UST: variants seen among roughly 807,000 people sequenced by gnomAD.
UST encodes the protein uronyl 2-sulfotransferase.
A neutral mutation model predicts 45.6 loss-of-function variants in UST; 21 were observed. That is an observed-to-expected ratio of 0.46 (90% confidence interval 0.33 to 0.66). The LOEUF is 0.66. Among genes scored for constraint, UST ranks in the 30% least tolerant of loss-of-function variants. The pLI is 0.02. For synonymous variants in UST, 215 were observed against 200.6 expected (o/e 1.07, Z -0.61); for missense variants, 463 against 512.4 (o/e 0.90, Z 0.93).
intron 1 of UST, among the ~76,000 whole-genome samples, chr6:148,880,382 G>A (rs887763484): frequency 4.6e-5 from 7 of 152,196 alleles, no homozygotes; most frequent in African/African-American, 1.4e-4. Context: ...TTCAGATTCT[G>A]AGTTACAAAT....
At chr6:148,817,639 G>A (rs965991252) in intron 1 of UST, among the ~76,000 whole-genome samples, 9 of 152,194 alleles carry the variant, frequency 5.9e-5, no homozygotes, top group African/African-American at 2.2e-4. Flanking sequence ...GGGATCAATA[G>A]AAAGGAAATG....
chr6:148,750,743 A>G (rs1328757853), intron 1 of UST, among the ~76,000 whole-genome samples: 2 of 152,194 alleles, frequency 1.3e-5, no homozygotes, highest in Admixed American at 6.5e-5. Context: ...GAAGGGAAAT[A>G]ATTCAAGCAG....
At chr6:148,807,562 G>A (rs2114725465) in intron 1 of UST, among the ~76,000 whole-genome samples, 1 of 152,236 alleles carries the variant, frequency 6.6e-6, no homozygotes, top group East Asian at 1.9e-4. Flanking sequence ...AGGTCAGCAA[G>A]CAGGTCAGGA....
chr6:148,945,091 A>T (rs1338622193), intron 3 of UST, among the ~76,000 whole-genome samples: 1 of 152,230 alleles, frequency 6.6e-6, no homozygotes, highest in African/African-American at 2.4e-5. Context: ...CATATTGAGA[A>T]GGCACATAAT....
intron 3 of UST, 46 bp downstream of exon 3, chr6:148,941,480 A>C: frequency 1.4e-5 from 21 of 1,547,076 alleles, no homozygotes; most frequent in Admixed American, 2.1e-5. Flanking sequence ...GCTTCAGCTC[A>C]TTTGTGTAAC....
chr6:148,846,411 C>T (rs991628230), intron 1 of UST, among the ~76,000 whole-genome samples: 6 of 151,078 alleles, frequency 4.0e-5, no homozygotes, highest in Non-Finnish European at 8.8e-5. Context: ...AACACATGGA[C>T]GTAGGAAGCG....
At chr6:149,060,758 T>C (rs182592526) in intron 7 of UST, among the ~76,000 whole-genome samples, 221 of 152,322 alleles carry the variant, frequency 1.5e-3, no homozygotes, top group African/African-American at 5.1e-3. Context: ...TCTCTGGCTG[T>C]AATCTAACCT....
At chr6:148,990,694 G>A (rs1397548659) in intron 5 of UST, among the ~76,000 whole-genome samples, 3 of 151,986 alleles carry the variant, frequency 2.0e-5, no homozygotes, top group Non-Finnish European at 4.4e-5. Context: ...AAAGAGGCTC[G>A]GCATTAATTG....
chr6:148,884,036 G>C (rs1342779472), intron 1 of UST, among the ~76,000 whole-genome samples: 1 of 151,930 alleles, frequency 6.6e-6, no homozygotes, highest in East Asian at 1.9e-4. Flanking sequence ...GGGAGGCTGA[G>C]GCAGGAGAAT....
intron 3 of UST, among the ~76,000 whole-genome samples, chr6:148,942,260 TCA>T (rs1780142093): frequency 2.0e-5 from 3 of 152,076 alleles, no homozygotes; most frequent in Non-Finnish European, 4.4e-5. Context: ...GGAACATGGC[TCA>T]CTATCAGGTT....
In UST at chr6:148,886,985, G is replaced by A; in HGVS notation, c.248-1G>A. 6.2e-7 allele frequency: 1 copy of A among 1,611,962 alleles called. No homozygotes were observed. On this transcript the variant is annotated splice_acceptor_variant, in intron 1 of 7. Coordinates refer to ENST00000367463, the MANE Select transcript of UST (RefSeq NM_005715.3). LOFTEE classifies it high-confidence loss of function. ...CATCAACTTTTTCCTTTATTTTCTA[G>A]GAAATTCCACTTACTTGGATGACCA...
At chr6:148,961,987 C>T (rs554040327) in intron 4 of UST, among the ~76,000 whole-genome samples, 31 of 152,304 alleles carry the variant, frequency 2.0e-4, no homozygotes, top group Non-Finnish European at 3.2e-4. Context: ...GTATAACGGA[C>T]GTGTCACCCC....
At chr6:148,979,402 A>T (rs1212458645) in intron 5 of UST, among the ~76,000 whole-genome samples, 2 of 152,184 alleles carry the variant, frequency 1.3e-5, no homozygotes, top group African/African-American at 2.4e-5. Context: ...AGCAGATGTA[A>T]ATTTGATTTG....
intron 1 of UST, among the ~76,000 whole-genome samples, chr6:148,787,059 G>A (rs9377160): frequency 0.49 from 74,739 of 151,866 alleles, 18,624 homozygotes; most frequent in East Asian, 0.61. Context: ...TAATGGGGTT[G>A]TTTTTTTCTT....
At chr6:148,844,294 A>T (rs964891864) in intron 1 of UST, among the ~76,000 whole-genome samples, 12 of 152,320 alleles carry the variant, frequency 7.9e-5, no homozygotes, top group Middle Eastern at 3.4e-3. Flanking sequence ...GTCCTATGTT[A>T]CAAGCGAGGA....
At chr6:149,069,829 A>G (rs12206419) in intron 7 of UST, among the ~76,000 whole-genome samples, 47,957 of 152,142 alleles carry the variant, frequency 0.32, 7,967 homozygotes, top group Middle Eastern at 0.36. Context: ...AATCCATTAT[A>G]TAGACCAACA....
At chr6:148,973,596 A>G (rs1780962955) in intron 5 of UST, among the ~76,000 whole-genome samples, 1 of 152,254 alleles carries the variant, frequency 6.6e-6, no homozygotes, top group Non-Finnish European at 1.5e-5. Flanking sequence ...GTAAAAAACT[A>G]ATGGCTCCAT....
intron 4 of UST, among the ~76,000 whole-genome samples, chr6:148,960,276 C>T (rs1780624682): frequency 1.3e-5 from 2 of 152,066 alleles, no homozygotes; most frequent in Non-Finnish European, 2.9e-5. Context: ...GCAACAAGAG[C>T]GAAACTCCGT....
intron 1 of UST, among the ~76,000 whole-genome samples, chr6:148,766,734 A>G (rs1339753152): frequency 6.6e-6 from 1 of 152,156 alleles, no homozygotes; most frequent in African/African-American, 2.4e-5. Context: ...TAACCTGGAG[A>G]ACTTTGGAGA....
Sources: allele counts gnomAD v4.1 joint callset (sites outside exome capture counted in the v4.1 genomes callset), GRCh38; gene constraint gnomAD v4.1.1; transcripts MANE v1.5; gene names NCBI Gene and HGNC (gene_info 2026-07-23, HGNC 2026-07-21).